Variants in MYRIP observed in about 807,000 individuals in gnomAD.
MYRIP encodes the protein myosin VIIA and Rab interacting protein.
In MYRIP, 49 loss-of-function variants were observed where a neutral mutation model predicts 98.0. The ratio of observed to expected loss-of-function variants is 0.50; its 90% CI spans 0.40 to 0.63. The LOEUF (loss-of-function observed/expected upper bound fraction) is 0.63, where lower values mean the gene tolerates loss of function less well. Among genes scored for constraint, MYRIP ranks in the 30% least tolerant of loss-of-function variants. MYRIP has a pLI of 0.00. For synonymous variants in MYRIP, 404 were observed against 409.5 expected, an observed-to-expected ratio of 0.99 and a Z score of 0.16; for missense variants, 1,004 against 1,058.2, an observed-to-expected ratio of 0.95 and a Z score of 0.71.
chr3:40,168,327 TC>T (rs1950540943), intron 7 of MYRIP, among the ~76,000 whole-genome samples: 1 of 152,306 alleles, frequency 6.6e-6, no homozygotes, highest in Non-Finnish European at 1.5e-5. Flanking sequence ...CAAAATGCAT[TC>T]AATACACCTA....
chr3:39,841,490 C>G (rs763082987), intron 1 of MYRIP, among the ~76,000 whole-genome samples: 1 of 152,084 alleles, frequency 6.6e-6, no homozygotes, highest in Non-Finnish European at 1.5e-5. Flanking sequence ...CAGTTTTGTT[C>G]CCTTGCTGGC....
chr3:40,085,105 C>T (rs1430338820), intron 3 of MYRIP, among the ~76,000 whole-genome samples: 3 of 148,488 alleles, frequency 2.0e-5, no homozygotes, highest in African/African-American at 7.4e-5. Flanking sequence ...TATATATCCA[C>T]AGATAATATG....
intron 3 of MYRIP, among the ~76,000 whole-genome samples, chr3:40,057,403 T>G (rs1322001828): frequency 6.6e-6 from 1 of 152,112 alleles, no homozygotes; most frequent in East Asian, 1.9e-4. Flanking sequence ...AAATGAAAAA[T>G]ATCTCTTTTC....
chr3:40,188,669 C>T (rs1951107478), intron 9 of MYRIP, among the ~76,000 whole-genome samples: 2 of 152,024 alleles, frequency 1.3e-5, no homozygotes, highest in Non-Finnish European at 2.9e-5. Flanking sequence ...CCCAGCTACT[C>T]AGGAGGCTGA....
chr3:39,917,687 T>A (rs1944196024), intron 2 of MYRIP, among the ~76,000 whole-genome samples: 1 of 149,934 alleles, frequency 6.7e-6, no homozygotes, highest in Non-Finnish European at 1.5e-5. Context: ...TTAGCTGCCT[T>A]CTTTATTGTC....
chr3:39,934,190 A>G (rs1216232125), intron 2 of MYRIP, among the ~76,000 whole-genome samples: 1 of 151,452 alleles, frequency 6.6e-6, no homozygotes, highest in Non-Finnish European at 1.5e-5. Context: ...AGTTCAACCA[A>G]CAAAACTTGA....
chr3:39,969,629 G>A (rs1421904922), intron 2 of MYRIP, among the ~76,000 whole-genome samples: 3 of 152,174 alleles, frequency 2.0e-5, no homozygotes, highest in Non-Finnish European at 4.4e-5. Context: ...CACATGTAAT[G>A]ATGTGCATAT....
At chr3:39,994,484 C>T (rs1375212943) in intron 2 of MYRIP, among the ~76,000 whole-genome samples, 1 of 152,222 alleles carries the variant, frequency 6.6e-6, no homozygotes, top group African/African-American at 2.4e-5. Flanking sequence ...AGCAGCAAGG[C>T]TGGGGGAGGG....
chr3:40,035,220 T>C (rs1947351808), intron 2 of MYRIP, among the ~76,000 whole-genome samples: 1 of 151,464 alleles, frequency 6.6e-6, no homozygotes. Context: ...ACTTAAAGTA[T>C]AATAATAAAA....
At chr3:40,103,261 A>C (rs772401797) in intron 3 of MYRIP, among the ~76,000 whole-genome samples, 2 of 152,124 alleles carry the variant, frequency 1.3e-5, no homozygotes, top group Non-Finnish European at 2.9e-5. Flanking sequence ...TACTTCAAGC[A>C]CACCAAGCCT....
chr3:40,133,674 T>C (rs968347433), intron 3 of MYRIP, among the ~76,000 whole-genome samples: 16 of 152,204 alleles, frequency 1.1e-4, no homozygotes, highest in South Asian at 4.2e-4. Context: ...GAGGTGGAGA[T>C]TGCAGTGAGC....
At chr3:39,939,485 C>G (rs79623771) in intron 2 of MYRIP, among the ~76,000 whole-genome samples, 1 of 152,006 alleles carries the variant, frequency 6.6e-6, no homozygotes. Context: ...GAAACACACA[C>G]GTGCTTATCT....
intron 11 of MYRIP, among the ~76,000 whole-genome samples, chr3:40,231,246 C>T (rs1952647109): frequency 6.6e-6 from 1 of 152,228 alleles, no homozygotes; most frequent in Non-Finnish European, 1.5e-5. Context: ...GCCTGGGCCT[C>T]CTCACTCTGA....
In MYRIP at chr3:40,190,283, C is replaced by T. The variant is rs560568021; in HGVS notation, c.1485C>T (p.Asp495=). The part of the protein sequence containing the change: ...AEKMRLHGEL[D]VNFNPQLASR... ...AGATGCGCTTGCATGGAGAGCTGGA[C>T]GTGAACTTCAACCCCCAGTTGGCCA... is the stretch of plus-strand genomic sequence containing the variant. The change falls in exon 10 of 17, where the codon GAC becomes GAT. Residue 495 remains aspartate, a synonymous_variant. Coordinates refer to ENST00000302541, the MANE Select transcript of MYRIP (RefSeq NM_015460.4). The T allele has an allele frequency of 4.3e-5, 70 of 1,614,004 alleles. No homozygotes were observed. In the East Asian group the frequency reaches 9.6e-4, roughly 22 times the overall value.
At chr3:39,837,425 T>C (rs1941659851) in intron 1 of MYRIP, among the ~76,000 whole-genome samples, 1 of 152,240 alleles carries the variant, frequency 6.6e-6, no homozygotes, top group African/African-American at 2.4e-5. Flanking sequence ...GTTTCAGTTT[T>C]CTATATATGG....
intron 3 of MYRIP, among the ~76,000 whole-genome samples, chr3:40,150,631 T>C (rs975815747): frequency 8.5e-5 from 13 of 152,232 alleles, no homozygotes; most frequent in African/African-American, 3.1e-4. Context: ...GGCTTGCTCT[T>C]TGGAGTGACT....
intron 3 of MYRIP, among the ~76,000 whole-genome samples, chr3:40,091,880 G>A (rs766752411): frequency 6.6e-6 from 1 of 152,112 alleles, no homozygotes; most frequent in African/African-American, 2.4e-5. Flanking sequence ...CTCCCAGAAG[G>A]AGCATTTCTG....
At chr3:40,239,400 C>G (rs1169267830) in intron 12 of MYRIP, among the ~76,000 whole-genome samples, 2 of 149,128 alleles carry the variant, frequency 1.3e-5, no homozygotes, top group Non-Finnish European at 2.9e-5. Context: ...CAGCATGATT[C>G]ATAATCCTTT....
chr3:39,964,198 G>A (rs961059488), intron 2 of MYRIP, among the ~76,000 whole-genome samples: 1 of 151,738 alleles, frequency 6.6e-6, no homozygotes, highest in Non-Finnish European at 1.5e-5. Flanking sequence ...TTACCATTAT[G>A]AGCGACTTGG....
Sources: allele counts gnomAD v4.1 joint callset (sites outside exome capture counted in the v4.1 genomes callset), GRCh38; gene constraint gnomAD v4.1.1; transcripts MANE v1.5; gene names NCBI Gene and HGNC (gene_info 2026-07-23, HGNC 2026-07-21).